Variants in ZNF578 observed in about 807,000 individuals in gnomAD.
The protein encoded by ZNF578 is Putative chemokine-related protein B42.
In ZNF578, 8 loss-of-function variants were observed where a neutral mutation model predicts 8.3. That is an observed-to-expected ratio of 0.96 (90% CI 0.56 to 1.74). The LOEUF (loss-of-function observed/expected upper bound fraction) is 1.74. Ranked by LOEUF, ZNF578 falls within the 40% of genes most tolerant of loss-of-function variation. The pLI, the probability that ZNF578 is intolerant of heterozygous loss-of-function variation, is 0.00. For missense variants in ZNF578, 726 were observed against 707.5 expected (o/e 1.03, Z -0.30); for synonymous variants, 206 against 232.2 (o/e 0.89, Z 1.03).
intron 3 of ZNF578, among the ~76,000 whole-genome samples, chr19:52,496,718 A>T (rs896117643): frequency 6.6e-6 from 1 of 151,572 alleles, no homozygotes; most frequent in African/African-American, 2.4e-5. Context: ...GGTCACTGCA[A>T]CCTTCGCCTC....
intron 2 of ZNF578, among the ~76,000 whole-genome samples, chr19:52,487,632 T>C (rs1448345345): frequency 6.6e-6 from 1 of 152,124 alleles, no homozygotes; most frequent in Non-Finnish European, 1.5e-5. Flanking sequence ...ATAATACTTT[T>C]AATTAAATAA....
At chr19:52,481,333 A>C (rs2059325717) in intron 2 of ZNF578, among the ~76,000 whole-genome samples, 1 of 152,188 alleles carries the variant, frequency 6.6e-6, no homozygotes, top group Non-Finnish European at 1.5e-5. Context: ...GACTGAACAA[A>C]GGAGAAGGAA....
At chr19:52,464,373 A>G (rs562655233) in intron 2 of ZNF578, among the ~76,000 whole-genome samples, 1 of 152,168 alleles carries the variant, frequency 6.6e-6, no homozygotes, top group Non-Finnish European at 1.5e-5. Context: ...CTGAGAAGAG[A>G]TTAGACATAG....
intron 2 of ZNF578, among the ~76,000 whole-genome samples, chr19:52,467,875 AT>A (rs919659857): frequency 3.3e-5 from 5 of 152,226 alleles, no homozygotes; most frequent in African/African-American, 4.8e-5. Flanking sequence ...GGGAAAAAAA[AT>A]AAAAAGGTTG....
In ZNF578 at chr19:52,513,709, G is replaced by A. The variant is rs1320507572; in HGVS notation, c.*1555G>A. On this transcript the variant is annotated 3_prime_UTR_variant, in exon 6 of 6. Coordinates refer to ENST00000421239, the MANE Select transcript of ZNF578 (RefSeq NM_001099694.2). ...CGTGCCACTGCACTCCAGGCTGGGCGACAGAGTGAGAGTCTGTCTCAAAAA... is the reference window on the plus strand; with the variant it reads ...CGTGCCACTGCACTCCAGGCTGGGCAACAGAGTGAGAGTCTGTCTCAAAAA... Among the ~76,000 whole-genome samples, 2 of 135,704 alleles carry A rather than the reference G, an allele frequency of 1.5e-5. No individual in the cohort carries two copies. Among genetic ancestry groups the A allele is most frequent in the African/African-American group, 2.8e-5 (1 of 35,720 alleles). 89.0% of individuals were successfully genotyped at this position (135,704 alleles called of 152,430 possible).
At chr19:52,486,969 GAAAAC>G (rs2059348002) in intron 2 of ZNF578, among the ~76,000 whole-genome samples, 1 of 151,774 alleles carries the variant, frequency 6.6e-6, no homozygotes, top group Non-Finnish European at 1.5e-5. Flanking sequence ...AGAAAGAAAA[GAAAAC>G]AAGAGCTAGA....
intron 3 of ZNF578, among the ~76,000 whole-genome samples, chr19:52,495,513 G>A (rs1270357973): frequency 6.6e-6 from 1 of 150,976 alleles, no homozygotes; most frequent in Non-Finnish European, 1.5e-5. Flanking sequence ...GAAGCCCAGG[G>A]GGAAATGCAG....
Position 52,510,875 on chromosome 19 carries a change from C to T in ZNF578, c.494C>T (p.Pro165Leu). Reference sequence around the variant, plus strand: ...GGATTAAGCTTTCATTTGCATCTTCCTGAACTCCACATATTTCAGCCCGAA... The same window carrying T: ...GGATTAAGCTTTCATTTGCATCTTCTTGAACTCCACATATTTCAGCCCGAA... ...QLGLSFHLHLPELHIFQPEEK... is the reference protein window; with the variant it reads ...QLGLSFHLHLLELHIFQPEEK... Residue 165 changes from proline to leucine, a missense_variant, in exon 6 of 6, where the codon CCT becomes CTT. Coordinates refer to ENST00000421239, the MANE Select transcript of ZNF578 (RefSeq NM_001099694.2). The T allele has an allele frequency of 6.2e-7, 1 of 1,614,198 alleles. No individual in the cohort carries two copies. Among genetic ancestry groups the T allele is most frequent in the Non-Finnish European group, 8.5e-7 (1 of 1,180,034 alleles).
intron 5 of ZNF578, among the ~76,000 whole-genome samples, chr19:52,505,517 G>A (rs1207741110): frequency 1.3e-5 from 2 of 151,830 alleles, no homozygotes; most frequent in Admixed American, 6.6e-5. Context: ...CGCCTCCCGG[G>A]TTCAAGCCAT....
At chr19:52,474,640 T>C (rs2059302375) in intron 2 of ZNF578, 1 of 331,616 alleles carries the variant, frequency 3.0e-6, no homozygotes, top group African/African-American at 2.2e-5. Context: ...ATTACATTTG[T>C]AAGGTTTCTC....
intron 2 of ZNF578, among the ~76,000 whole-genome samples, chr19:52,480,611 T>A (rs202121038): frequency 5.7e-4 from 70 of 122,876 alleles, no homozygotes; most frequent in South Asian, 2.5e-3. Context: ...AAAAAAAAAA[T>A]TTTTGGCCGG....
At chr19:52,472,965 G>A (rs979157) in intron 2 of ZNF578, among the ~76,000 whole-genome samples, 135,298 of 152,232 alleles carry the variant, frequency 0.89, 60,848 homozygotes, top group Non-Finnish European at 0.96. Context: ...AGCATGCAAT[G>A]TCATACATTA....
intron 4 of ZNF578, 39 bp downstream of exon 4, chr19:52,501,947 C>T: frequency 6.2e-7 from 1 of 1,604,448 alleles, no homozygotes; most frequent in African/African-American, 1.3e-5. Flanking sequence ...CTGTCTCTTT[C>T]CTTTCTGAAG....
At chr19:52,484,242 G>T (rs956972775) in intron 2 of ZNF578, among the ~76,000 whole-genome samples, 1 of 152,148 alleles carries the variant, frequency 6.6e-6, no homozygotes, top group African/African-American at 2.4e-5. Context: ...GCCCTAAGGC[G>T]GTTTTCCCCT....
At chr19:52,477,892 G>A (rs2059313168) in intron 2 of ZNF578, among the ~76,000 whole-genome samples, 1 of 152,198 alleles carries the variant, frequency 6.6e-6, no homozygotes, top group Non-Finnish European at 1.5e-5. Context: ...TTGTGCATAA[G>A]GTTCCTGAGA....
chr19:52,471,214 A>T (rs2059290771), intron 2 of ZNF578, among the ~76,000 whole-genome samples: 1 of 152,130 alleles, frequency 6.6e-6, no homozygotes, highest in African/African-American at 2.4e-5. Context: ...AGTGTTAGAT[A>T]TTTCTTTATA....
intron 4 of ZNF578, 106 bp from the exon 5 acceptor site, chr19:52,504,549 C>T: frequency 6.4e-7 from 1 of 1,574,260 alleles, no homozygotes; most frequent in Non-Finnish European, 8.6e-7. Flanking sequence ...TTTGTCACAA[C>T]ACAGTCTTTG....
At chr19:52,489,210 A>G (rs1028394611) in intron 2 of ZNF578, among the ~76,000 whole-genome samples, 3 of 151,890 alleles carry the variant, frequency 2.0e-5, no homozygotes, top group African/African-American at 7.3e-5. Flanking sequence ...TCATGCCACA[A>G]TAGTGCAGCC....
intron 3 of ZNF578, among the ~76,000 whole-genome samples, chr19:52,496,422 C>T (rs1254876715): frequency 1.4e-5 from 2 of 144,460 alleles, no homozygotes; most frequent in African/African-American, 2.6e-5. Flanking sequence ...CTCCGCCTCC[C>T]GGGTTCACGC....
Sources: allele counts gnomAD v4.1 joint callset (sites outside exome capture counted in the v4.1 genomes callset), GRCh38; gene constraint gnomAD v4.1.1; transcripts MANE v1.5; gene names NCBI Gene and HGNC (gene_info 2026-07-23, HGNC 2026-07-21).